SDK1: variants seen among roughly 807,000 people sequenced by gnomAD.
SDK1 encodes sidekick cell adhesion molecule 1.
A neutral mutation model predicts 245.5 loss-of-function variants in SDK1; 157 were observed. That is an observed-to-expected ratio of 0.64 (90% CI 0.56 to 0.73). SDK1 has a LOEUF of 0.73. Among genes scored for constraint, SDK1 ranks in the 30% least tolerant of loss-of-function variants. The probability of loss-of-function intolerance (pLI) is 0.00; values close to 1 mark genes in which losing one functional copy is unlikely to be tolerated. For synonymous variants in SDK1, 1,647 were observed against 1,278.5 expected (o/e 1.29, Z -6.15); for missense variants, 3,583 against 3,002.3 (o/e 1.19, Z -4.52).
rs77440456 is a variant in SDK1, at chr7:3,780,100, G to A, written c.714-41350G>A. Reference sequence around the variant, plus strand: ...TTTGAAAATGTCAACACTTGGAAACGAGCCTGAGATACCTGTGTGATCTGC... The same window carrying A: ...TTTGAAAATGTCAACACTTGGAAACAAGCCTGAGATACCTGTGTGATCTGC... On this transcript the variant is annotated intron_variant, in intron 4 of 44. Coordinates refer to ENST00000404826, the MANE Select transcript of SDK1 (RefSeq NM_152744.4). Among the ~76,000 whole-genome samples, 845 of 152,270 alleles carry A rather than the reference G, an allele frequency of 5.5e-3. 9 individuals are homozygous for A. Among genetic ancestry groups the A allele is most frequent in the African/African-American group, 0.02 (812 of 41,554 alleles).
chr7:3,843,351 A>G (rs961109189), intron 5 of SDK1, among the ~76,000 whole-genome samples: 13 of 152,334 alleles, frequency 8.5e-5, no homozygotes, highest in African/African-American at 2.9e-4. Flanking sequence ...CGGATTCTCT[A>G]TTTTGTAACT....
intron 12 of SDK1, among the ~76,000 whole-genome samples, chr7:3,972,289 C>T (rs1256863262): frequency 6.6e-6 from 1 of 152,070 alleles, no homozygotes; most frequent in African/African-American, 2.4e-5. Flanking sequence ...CCATGTTAGC[C>T]AGGATGGTCT....
chr7:4,143,559 T>C (rs1035380902), intron 28 of SDK1, among the ~76,000 whole-genome samples: 4 of 152,124 alleles, frequency 2.6e-5, no homozygotes, highest in Admixed American at 1.3e-4. Flanking sequence ...CAGTGAATGA[T>C]TGGCAGAGCG....
chr7:3,470,710 T>C (rs1290920375), intron 1 of SDK1, among the ~76,000 whole-genome samples: 1 of 152,140 alleles, frequency 6.6e-6, no homozygotes, highest in East Asian at 1.9e-4. Context: ...GAAAATAGGG[T>C]GCCAGCAGGA....
rs371671828 is a variant in SDK1, at chr7:4,041,815, AT to A, written c.2603-7523del. Among the ~76,000 whole-genome samples the A allele has an allele frequency of 2.0e-4, 26 of 132,664 alleles. 6 individuals are homozygous for A. Among genetic ancestry groups the A allele is most frequent in the African/African-American group, 7.3e-4 (21 of 28,686 alleles). 87.0% of individuals were successfully genotyped at this position (132,664 alleles called of 152,430 possible). ...ATGAAATGTAACTTCAACAGCTGCA[AT>A]TTTTTTTTTCTTTTTTGTGACGGAG... On this transcript the variant is annotated intron_variant, in intron 17 of 44. Transcript: ENST00000404826.
chr7:3,979,896 C>T (rs1282211910), intron 13 of SDK1, among the ~76,000 whole-genome samples: 1 of 152,180 alleles, frequency 6.6e-6, no homozygotes, highest in Non-Finnish European at 1.5e-5. Flanking sequence ...CTCCTGAAAT[C>T]AGAGTCTAAT....
intron 4 of SDK1, among the ~76,000 whole-genome samples, chr7:3,716,533 G>C (rs1342123069): frequency 6.6e-6 from 1 of 152,100 alleles, no homozygotes; most frequent in African/African-American, 2.4e-5. Flanking sequence ...ATTGATGAGG[G>C]AGGATTGCTT....
intron 22 of SDK1, among the ~76,000 whole-genome samples, chr7:4,086,542 T>A (rs1781440247): frequency 6.6e-6 from 1 of 152,120 alleles, no homozygotes; most frequent in Non-Finnish European, 1.5e-5. Context: ...GTCACCACGG[T>A]CTGTGGCTCG....
Position 3,444,787 on chromosome 7 carries a change from G to T in SDK1, c.298+142903G>T, listed in dbSNP as rs1780297628. 2.0e-5 allele frequency among the ~76,000 whole-genome samples: 3 copies of T among 152,268 alleles called. No homozygotes were observed. In the South Asian group the frequency reaches 6.2e-4, roughly 32 times the overall value. On this transcript the variant is annotated intron_variant, in intron 1 of 44. Transcript: ENST00000404826. Reference sequence around the variant, plus strand: ...AGTTTTATCTAAAGTGATGTTCCCTGTTTGCACAGATGACTTTTTAAAATC... The same window carrying T: ...AGTTTTATCTAAAGTGATGTTCCCTTTTTGCACAGATGACTTTTTAAAATC...
At chr7:4,120,060 C>T (rs769342699) in intron 25 of SDK1, among the ~76,000 whole-genome samples, 1 of 148,272 alleles carries the variant, frequency 6.7e-6, no homozygotes, top group African/African-American at 2.5e-5. Context: ...AGAGAATTAC[C>T]AAATTAAAAG....
intron 4 of SDK1, among the ~76,000 whole-genome samples, chr7:3,747,331 T>A (rs1338143158): frequency 6.6e-6 from 1 of 152,258 alleles, no homozygotes; most frequent in Non-Finnish European, 1.5e-5. Flanking sequence ...AACCACTGTC[T>A]GTGTGTACTT....
At chr7:3,473,236 C>T (rs769278446) in intron 1 of SDK1, among the ~76,000 whole-genome samples, 11 of 152,202 alleles carry the variant, frequency 7.2e-5, no homozygotes, top group Admixed American at 6.5e-5. Flanking sequence ...AAATTTCCTA[C>T]TCCAAGCCTT....
intron 5 of SDK1, among the ~76,000 whole-genome samples, chr7:3,924,454 G>T (rs991926112): frequency 1.3e-5 from 2 of 152,184 alleles, no homozygotes; most frequent in East Asian, 3.9e-4. Context: ...TGGTGACGGG[G>T]TGTGATCTCC....
chr7:4,168,359 T>C (rs1014437051), intron 32 of SDK1, among the ~76,000 whole-genome samples: 3 of 152,206 alleles, frequency 2.0e-5, no homozygotes, highest in African/African-American at 7.2e-5. Context: ...ACTGTGTCTG[T>C]TGGGCAAGGC....
chr7:3,580,840 C>G (rs777748607), intron 1 of SDK1, among the ~76,000 whole-genome samples: 1 of 151,370 alleles, frequency 6.6e-6, no homozygotes, highest in Non-Finnish European at 1.5e-5. Flanking sequence ...TGGTGGTATG[C>G]GCCTGTAGTC....
Position 4,077,147 on chromosome 7 carries a change from G to A in SDK1, c.3160G>A (p.Gly1054Ser). The change falls in exon 21 of 45, where the codon GGC becomes AGC. Residue 1054 changes from glycine (G) to serine (S), a missense_variant. By Grantham distance (56) the Gly-to-Ser change is moderately conservative. Coordinates refer to ENST00000404826, the MANE Select transcript of SDK1 (RefSeq NM_152744.4). Reference protein sequence around the residue: ...DVAAVTAVGTGLVTSSTISSG... With the variant: ...DVAAVTAVGTSLVTSSTISSG... ...GGCCGCTGTGACTGCCGTGGGCACT[G>A]GCCTGGTGACTTCATCCACCATTTC... 1 of 1,614,206 alleles carries A rather than the reference G, an allele frequency of 6.2e-7. No homozygotes were observed. Among genetic ancestry groups the A allele is most frequent in the Non-Finnish European group, 8.5e-7 (1 of 1,180,034 alleles).
At position 4,065,069 on chromosome 7, in the gene SDK1, C is replaced by T. The variant is rs990026906; in HGVS notation, c.2912-2769C>T. Among the ~76,000 whole-genome samples the T allele has an allele frequency of 3.3e-5, 5 of 152,174 alleles. 1 individual carries two copies. Among genetic ancestry groups the T allele is most frequent in the African/African-American group, 7.2e-5 (3 of 41,528 alleles). ...CCAAGGAAAGAGGATTTCGAATGTT[C>T]ACAACACATAGAAATGATAAATACT... is the stretch of plus-strand genomic sequence containing the variant. On this transcript the variant is annotated intron_variant, in intron 19 of 44. Coordinates refer to ENST00000404826, the MANE Select transcript of SDK1 (RefSeq NM_152744.4).
At chr7:3,484,969 G>T (rs370671676) in intron 1 of SDK1, among the ~76,000 whole-genome samples, 2 of 152,160 alleles carry the variant, frequency 1.3e-5, no homozygotes, top group Non-Finnish European at 2.9e-5. Context: ...ACGTGGGACT[G>T]CAGGTCATCT....
chr7:3,971,003 CT>C (rs1363464139), intron 11 of SDK1, among the ~76,000 whole-genome samples: 2 of 152,180 alleles, frequency 1.3e-5, no homozygotes, highest in Non-Finnish European at 2.9e-5. Context: ...GTCCATCTTC[CT>C]TCCTGAAAAC....
Sources: gnomAD v4.1 joint callset for allele counts (sites outside exome capture counted in the v4.1 genomes callset) on GRCh38, gnomAD v4.1.1 for gene constraint, MANE v1.5 for transcripts, NCBI Gene and HGNC (gene_info 2026-07-23, HGNC 2026-07-21) for gene names.